SLC4A4: variants seen among roughly 807,000 people sequenced by gnomAD.
SLC4A4 encodes solute carrier family 4 member 4, also known as electrogenic sodium bicarbonate cotransporter 1.
In SLC4A4, 27 loss-of-function variants were observed where a neutral mutation model predicts 111.5. That is an observed-to-expected ratio of 0.24 (90% confidence interval 0.18 to 0.33). SLC4A4 has a LOEUF of 0.33. SLC4A4 is among the 10% of genes least tolerant of loss of function. SLC4A4 has a pLI of 1.00. For missense variants in SLC4A4, 909 were observed against 1,315.5 expected (o/e 0.69, Z 4.78); for synonymous variants, 443 against 463.4 (o/e 0.96, Z 0.57).
chr4:71,116,301 T>A (rs376890159), intron 2 of SLC4A4, among the ~76,000 whole-genome samples: 43 of 152,348 alleles, frequency 2.8e-4, no homozygotes, highest in African/African-American at 1.0e-3. Context: ...TTATGTAGTT[T>A]GTCAACACGT....
chr4:71,385,031 T>C lies in SLC4A4; in HGVS notation c.731-12546T>C, dbSNP rs577622185. Among the ~76,000 whole-genome samples, 11 of 151,136 alleles carry C rather than the reference T, an allele frequency of 7.3e-5. No homozygotes were observed. In the East Asian group the frequency reaches 1.2e-3, roughly 16 times the overall value. ...ACCCCAGAACTTAAAAGTATAATAA[T>C]AAAAAATTTAAAAAGTAGAAAAGAA... is the stretch of plus-strand genomic sequence containing the variant. On this transcript the variant is annotated intron_variant, in intron 6 of 25. Transcript: ENST00000264485.
chr4:71,420,343 A>T (rs1722320232), intron 7 of SLC4A4, among the ~76,000 whole-genome samples: 1 of 152,212 alleles, frequency 6.6e-6, no homozygotes, highest in Non-Finnish European at 1.5e-5. Context: ...ATGTGAAAAG[A>T]CCAAATCTAT....
At chr4:71,347,218 T>A (rs1028955961) in intron 4 of SLC4A4, among the ~76,000 whole-genome samples, 3 of 152,252 alleles carry the variant, frequency 2.0e-5, no homozygotes, top group Non-Finnish European at 2.9e-5. Context: ...TGGAGAGGAA[T>A]AAATAAAAGA....
chr4:71,093,639 C>A (rs758044014), intron 2 of SLC4A4, among the ~76,000 whole-genome samples: 5 of 152,038 alleles, frequency 3.3e-5, no homozygotes, highest in African/African-American at 1.2e-4. Context: ...TCTTGTGATA[C>A]TGGTGGGTAC....
At chr4:71,096,047 T>G (rs897196354) in intron 2 of SLC4A4, among the ~76,000 whole-genome samples, 25 of 152,128 alleles carry the variant, frequency 1.6e-4, no homozygotes, top group African/African-American at 5.8e-4. Flanking sequence ...TTTTCTCCCT[T>G]CCTGCACTCT....
chr4:71,124,303 C>T (rs555544074), intron 2 of SLC4A4, among the ~76,000 whole-genome samples: 19 of 151,878 alleles, frequency 1.3e-4, no homozygotes, highest in Non-Finnish European at 2.6e-4. Flanking sequence ...TTCTGAACAG[C>T]TGGGACTACA....
chr4:71,259,175 C>T (rs1011320209), intron 3 of SLC4A4, among the ~76,000 whole-genome samples: 4 of 152,098 alleles, frequency 2.6e-5, no homozygotes, highest in African/African-American at 9.7e-5. Context: ...AAGAAGTAAA[C>T]GAAATATCTT....
intron 3 of SLC4A4, among the ~76,000 whole-genome samples, chr4:71,292,045 T>C (rs556222427): frequency 6.6e-6 from 1 of 152,312 alleles, no homozygotes; most frequent in African/African-American, 2.4e-5. Context: ...TTTTAAAATG[T>C]CCAATAAATT....
intron 24 of SLC4A4, 128 bp from the exon 25 acceptor site, chr4:71,566,876 T>C: frequency 1.5e-6 from 1 of 663,360 alleles, no homozygotes; most frequent in Non-Finnish European, 2.6e-6. Context: ...ACCTTGTTTA[T>C]TGAAATGCCT....
intron 7 of SLC4A4, among the ~76,000 whole-genome samples, chr4:71,412,778 G>A (rs1721473620): frequency 6.6e-6 from 1 of 152,182 alleles, no homozygotes; most frequent in Admixed American, 6.6e-5. Flanking sequence ...CTCTTGAGTT[G>A]ATGCTCCTTC....
chr4:71,443,397 G>A (rs1011164974), intron 8 of SLC4A4, among the ~76,000 whole-genome samples: 1 of 151,562 alleles, frequency 6.6e-6, no homozygotes, highest in Non-Finnish European at 1.5e-5. Context: ...TAATCCACCC[G>A]CCTCGGCCTC....
Position 71,532,272 on chromosome 4 carries a change from C to T in SLC4A4, c.2280+97C>T, listed in dbSNP as rs115769115. 773 of 803,602 alleles carry T rather than the reference C, an allele frequency of 9.6e-4. No homozygotes were observed. In the African/African-American group the frequency reaches 0.011, roughly 12 times the overall value. 49.8% of individuals were successfully genotyped at this position (803,602 alleles called of 1,614,324 possible). A position where few individuals can be genotyped will look rare whatever the true frequency, so the allele number is the denominator to read the frequency against. ...TGTTTCTCTTTGAGTTAGTTTTGTA[C>T]AATTATCCATATTTTTTTTCCAAAA... On this transcript the variant is annotated intron_variant, in intron 17 of 25. Coordinates refer to ENST00000264485, the MANE Select transcript of SLC4A4 (RefSeq NM_001098484.3).
At chr4:71,316,877 C>T (rs1726727804) in intron 3 of SLC4A4, among the ~76,000 whole-genome samples, 2 of 152,066 alleles carry the variant, frequency 1.3e-5, no homozygotes, top group South Asian at 4.1e-4. Context: ...CTGCAAAGGA[C>T]ATGATCTCAT....
At chr4:71,293,275 AG>A (rs1315331480) in intron 3 of SLC4A4, among the ~76,000 whole-genome samples, 1 of 150,354 alleles carries the variant, frequency 6.7e-6, no homozygotes, top group Non-Finnish European at 1.5e-5. Flanking sequence ...CATAAAATCC[AG>A]AAGGAGGCTG....
At chr4:71,437,934 C>T (rs552816276) in intron 7 of SLC4A4, 2 of 163,378 alleles carry the variant, frequency 1.2e-5, no homozygotes, top group South Asian at 1.7e-4. Flanking sequence ...TGGTCGTTAG[C>T]TCACGCAAGA....
In SLC4A4 at chr4:71,247,371, A is replaced by T. The variant is rs577555849; in HGVS notation, c.74-7849A>T. On this transcript the variant is annotated intron_variant, in intron 2 of 25. Coordinates refer to ENST00000264485, the MANE Select transcript of SLC4A4 (RefSeq NM_001098484.3). ...TTAAAATATATAATATTTATATATTATATTAAATAGTTGATACCTGATTAG... is the reference window on the plus strand; with the variant it reads ...TTAAAATATATAATATTTATATATTTTATTAAATAGTTGATACCTGATTAG... Among the ~76,000 whole-genome samples the T allele has an allele frequency of 9.4e-5, 14 of 149,500 alleles. No homozygotes were observed. In the South Asian group the frequency reaches 2.9e-3, roughly 31 times the overall value.
chr4:71,146,471 G>C (rs891382270), intron 2 of SLC4A4, among the ~76,000 whole-genome samples: 1 of 152,124 alleles, frequency 6.6e-6, no homozygotes, highest in Non-Finnish European at 1.5e-5. Context: ...GGTCCGCTTG[G>C]TGCAGAGCTG....
chr4:71,418,433 ATTCTTTCATAT>A (rs1722016701), intron 7 of SLC4A4, among the ~76,000 whole-genome samples: 1 of 152,182 alleles, frequency 6.6e-6, no homozygotes, highest in Admixed American at 6.6e-5. Flanking sequence ...TTTTGTCTGT[ATTCTTTCATAT>A]TTCATACACA....
intron 4 of SLC4A4, among the ~76,000 whole-genome samples, chr4:71,347,072 G>A (rs1729392229): frequency 6.6e-6 from 1 of 152,158 alleles, no homozygotes; most frequent in Admixed American, 6.6e-5. Flanking sequence ...GACCTAAAGA[G>A]CTGGTGTAAT....
Sources: gnomAD v4.1 joint callset for allele counts (sites outside exome capture counted in the v4.1 genomes callset) on GRCh38, gnomAD v4.1.1 for gene constraint, MANE v1.5 for transcripts, NCBI Gene and HGNC (gene_info 2026-07-23, HGNC 2026-07-21) for gene names.